Variants in GABRG1 observed in about 807,000 individuals in gnomAD.
GABRG1 encodes the protein gamma-aminobutyric acid type A receptor subunit gamma1, also known as gamma-aminobutyric acid receptor subunit gamma-1.
In GABRG1, 49 loss-of-function variants were observed where a neutral mutation model predicts 49.8. The observed-to-expected ratio is 0.98, with a 90% confidence interval of 0.78 to 1.25. GABRG1 has a LOEUF of 1.25. GABRG1 is among the 50% of genes most tolerant of loss of function. GABRG1 has a pLI of 0.00. For missense variants in GABRG1, 552 were observed against 552.3 expected, an observed-to-expected ratio of 1.00 and a Z score of 0.01; for synonymous variants, 232 against 185.1, an observed-to-expected ratio of 1.25 and a Z score of -2.06.
chr4:46,096,690 C>A (rs1423623182), intron 2 of GABRG1, among the ~76,000 whole-genome samples: 1 of 150,646 alleles, frequency 6.6e-6, no homozygotes, highest in Non-Finnish European at 1.5e-5. Context: ...GAGAAGGTAA[C>A]CAAAAAAAGT....
intron 8 of GABRG1, among the ~76,000 whole-genome samples, chr4:46,043,291 C>T (rs573292384): frequency 6.6e-6 from 1 of 151,770 alleles, no homozygotes; most frequent in Non-Finnish European, 1.5e-5. Context: ...AAAAAATGAA[C>T]TCTCTGGTGA....
chr4:46,056,161 A>T (rs1180606911), intron 7 of GABRG1, among the ~76,000 whole-genome samples: 2 of 32,496 alleles, frequency 6.2e-5, no homozygotes, highest in South Asian at 5.0e-4. Flanking sequence ...TAAAAAAAAA[A>T]AAAAAAAAAA....
chr4:46,116,015 T>C (rs1720873910), intron 1 of GABRG1, among the ~76,000 whole-genome samples: 1 of 150,882 alleles, frequency 6.6e-6, no homozygotes, highest in Admixed American at 6.6e-5. Flanking sequence ...TGTAGCTTTT[T>C]GATTGATTTT....
intron 3 of GABRG1, among the ~76,000 whole-genome samples, chr4:46,081,189 C>G (rs1719555413): frequency 6.6e-6 from 1 of 151,750 alleles, no homozygotes; most frequent in Non-Finnish European, 1.5e-5. Flanking sequence ...TTGTTCTTCT[C>G]TCTTCACTTT....
chr4:46,070,157 T>A (rs1719064135), intron 3 of GABRG1, among the ~76,000 whole-genome samples: 1 of 151,954 alleles, frequency 6.6e-6, no homozygotes, highest in Non-Finnish European at 1.5e-5. Flanking sequence ...AAATTACCAA[T>A]TTCCAATGAT....
intron 3 of GABRG1, among the ~76,000 whole-genome samples, chr4:46,082,467 C>T (rs1719611607): frequency 6.6e-6 from 1 of 151,858 alleles, no homozygotes; most frequent in South Asian, 2.1e-4. Context: ...CACATGACTA[C>T]ATCACTATCC....
chr4:46,076,577 C>T (rs1354152613), intron 3 of GABRG1, among the ~76,000 whole-genome samples: 4 of 150,856 alleles, frequency 2.7e-5, no homozygotes, highest in African/African-American at 9.7e-5. Flanking sequence ...CTTGGAGCAG[C>T]CAGTTAAAGC....
intron 2 of GABRG1, among the ~76,000 whole-genome samples, chr4:46,088,364 G>GA (rs1456374359): frequency 6.6e-6 from 1 of 151,964 alleles, no homozygotes; most frequent in Admixed American, 6.6e-5. Flanking sequence ...TAGAAGATAA[G>GA]TTTTTTTACA....
chr4:46,048,065 C>T (rs1164360508), intron 8 of GABRG1, among the ~76,000 whole-genome samples: 1 of 151,982 alleles, frequency 6.6e-6, no homozygotes, highest in Non-Finnish European at 1.5e-5. Context: ...TTCTGCTAGC[C>T]TATGGGCCGA....
At chr4:46,058,965 A>G (rs1317797632) in intron 5 of GABRG1, among the ~76,000 whole-genome samples, 1 of 152,076 alleles carries the variant, frequency 6.6e-6, no homozygotes, top group African/African-American at 2.4e-5. Context: ...TAGATTTTTC[A>G]TATGCATTTC....
At position 46,073,637 on chromosome 4, in the gene GABRG1, A is replaced by T. The variant is rs552800822; in HGVS notation, c.322-8053T>A. The stretch of plus-strand genomic sequence containing the variant: ...TAGTATGGTAACAAATATACAAAAG[A>T]TCCCCTTTATTCATGGGGATACATT... On this transcript the variant is annotated intron_variant, in intron 3 of 8. Transcript: ENST00000295452. Among the ~76,000 whole-genome samples the T allele has an allele frequency of 3.3e-5, 5 of 152,116 alleles. No individual in the cohort carries two copies. In the South Asian group the frequency reaches 8.3e-4, roughly 25 times the overall value.
chr4:46,107,487 C>T lies in GABRG1; in HGVS notation c.105-10138G>A, dbSNP rs887425635. ...ACTCAGTTCCTTCCTTTCTTGTTTCCTTTCCTTCTCTTCTTCTTCCTCCCT... is the reference window on the plus strand; with the variant it reads ...ACTCAGTTCCTTCCTTTCTTGTTTCTTTTCCTTCTCTTCTTCTTCCTCCCT... On this transcript the variant is annotated intron_variant, in intron 1 of 8. Coordinates refer to ENST00000295452, the MANE Select transcript of GABRG1 (RefSeq NM_173536.4). Among the ~76,000 whole-genome samples, 3 of 150,792 alleles carry T rather than the reference C, an allele frequency of 2.0e-5. No homozygotes were observed. In the Admixed American group the frequency reaches 2.0e-4, roughly 10 times the overall value.
chr4:46,051,715 G>T, intron 7 of GABRG1, 77 bp from the exon 8 acceptor site: 1 of 888,376 alleles, frequency 1.1e-6, no homozygotes, highest in Non-Finnish European at 1.7e-6. Flanking sequence ...TGGCAATATT[G>T]TGAGTGAAAT....
chr4:46,097,474 A>G, intron 1 of GABRG1, 125 bp from the exon 2 acceptor site: 1 of 845,528 alleles, frequency 1.2e-6, no homozygotes, highest in Middle Eastern at 2.8e-4. Flanking sequence ...TATTACACTA[A>G]CATTACATTT....
chr4:46,092,468 G>A (rs1720023903), intron 2 of GABRG1, among the ~76,000 whole-genome samples: 1 of 151,460 alleles, frequency 6.6e-6, no homozygotes, highest in Non-Finnish European at 1.5e-5. Flanking sequence ...ATGATAGAAG[G>A]ATAAAATAAA....
chr4:46,087,098 T>A (rs1341457310), intron 2 of GABRG1, among the ~76,000 whole-genome samples: 1 of 151,648 alleles, frequency 6.6e-6, no homozygotes, highest in Non-Finnish European at 1.5e-5. Flanking sequence ...TCTTGTAATA[T>A]CCCTGGCTGG....
chr4:46,123,246 GT>G (rs1721148838), intron 1 of GABRG1, among the ~76,000 whole-genome samples: 1 of 151,552 alleles, frequency 6.6e-6, no homozygotes, highest in African/African-American at 2.4e-5. Context: ...TACACGGTCA[GT>G]TTTTACTTGG....
intron 8 of GABRG1, among the ~76,000 whole-genome samples, chr4:46,048,271 G>A (rs562096179): frequency 2.0e-5 from 3 of 151,802 alleles, no homozygotes; most frequent in Admixed American, 1.3e-4. Flanking sequence ...TATACTTGCC[G>A]ATTAGTAATA....
intron 1 of GABRG1, among the ~76,000 whole-genome samples, chr4:46,105,149 A>G (rs1720492009): frequency 6.6e-6 from 1 of 151,440 alleles, no homozygotes; most frequent in African/African-American, 2.4e-5. Flanking sequence ...CCAAAGCACA[A>G]ACAAAGAGAA....
Sources: allele counts gnomAD v4.1 joint callset (sites outside exome capture counted in the v4.1 genomes callset), GRCh38; gene constraint gnomAD v4.1.1; transcripts MANE v1.5; gene names NCBI Gene and HGNC (gene_info 2026-07-23, HGNC 2026-07-21).